The following TTC27 variants were observed in gnomAD, a reference collection of about 807,000 sequenced individuals.
TTC27 encodes the protein tetratricopeptide repeat domain 27, also known as tetratricopeptide repeat protein 27.
A neutral mutation model predicts 115.9 loss-of-function variants in TTC27; 79 were observed. That is an observed-to-expected ratio of 0.68 (90% confidence interval 0.57 to 0.82). The LOEUF is 0.82. Among genes scored for constraint, TTC27 ranks in the 40% least tolerant of loss-of-function variants. TTC27 has a pLI of 0.00. For missense variants in TTC27, 1,054 were observed against 993.1 expected, an observed-to-expected ratio of 1.06 and a Z score of -0.82; for synonymous variants, 401 against 356.0, an observed-to-expected ratio of 1.13 and a Z score of -1.42.
At chr2:32,768,038 A>G (rs1362054969) in intron 13 of TTC27, among the ~76,000 whole-genome samples, 2 of 152,244 alleles carry the variant, frequency 1.3e-5, no homozygotes, top group Non-Finnish European at 2.9e-5. Context: ...ATTCATTAGT[A>G]AAATATCAAT....
intron 17 of TTC27, 85 bp downstream of exon 17, chr2:32,811,306 T>C (rs1671309512): frequency 8.0e-7 from 1 of 1,257,100 alleles, no homozygotes; most frequent in Non-Finnish European, 1.1e-6. Context: ...GGAGGAAGAG[T>C]TTAACAATCT....
At chr2:32,647,782 G>A (rs1664922132) in intron 4 of TTC27, among the ~76,000 whole-genome samples, 1 of 152,096 alleles carries the variant, frequency 6.6e-6, no homozygotes, top group African/African-American at 2.4e-5. Flanking sequence ...AAGCTGCAGT[G>A]TGCTATGATG....
At chr2:32,771,679 A>G (rs1306237345) in intron 13 of TTC27, among the ~76,000 whole-genome samples, 1 of 152,200 alleles carries the variant, frequency 6.6e-6, no homozygotes, top group Non-Finnish European at 1.5e-5. Context: ...AGAATTTAGT[A>G]AATGAGAAAC....
Position 32,758,497 on chromosome 2 carries a change from C to G in TTC27, c.1658C>G (p.Ser553Trp), listed in dbSNP as rs762752840. The G allele has an allele frequency of 3.1e-6, 5 of 1,614,140 alleles. No individual in the cohort carries two copies. In the East Asian group the frequency reaches 1.1e-4, roughly 36 times the overall value. ...GAGTGTGTAGAGTGCTTCGAACGCTCGGTTAAGATTAATCCCATGCAGGTT... is the reference window on the plus strand; with the variant it reads ...GAGTGTGTAGAGTGCTTCGAACGCTGGGTTAAGATTAATCCCATGCAGGTT... ...FQECVECFER[S>W]VKINPMQLGV... The change falls in exon 13 of 20, where the codon TCG becomes TGG. Residue 553 changes from serine to tryptophan, a missense_variant. By Grantham distance (177) the Ser-to-Trp change is radical. Transcript: ENST00000317907.
intron 11 of TTC27, among the ~76,000 whole-genome samples, chr2:32,734,383 T>G (rs1451023655): frequency 6.6e-6 from 1 of 152,174 alleles, no homozygotes; most frequent in Non-Finnish European, 1.5e-5. Context: ...TTTGAAATAA[T>G]TTCTTATATT....
chr2:32,681,304 A>G (rs1446898631), intron 9 of TTC27, among the ~76,000 whole-genome samples: 1 of 152,116 alleles, frequency 6.6e-6, no homozygotes, highest in African/African-American at 2.4e-5. Context: ...CATTTTTTTA[A>G]TCTCAAATGA....
intron 9 of TTC27, among the ~76,000 whole-genome samples, chr2:32,684,019 G>A (rs1180207708): frequency 3.3e-5 from 5 of 151,994 alleles, no homozygotes; most frequent in African/African-American, 7.2e-5. Context: ...TTAGCTGGGC[G>A]TGGTGGTGCT....
intron 16 of TTC27, among the ~76,000 whole-genome samples, chr2:32,792,761 G>A (rs935237514): frequency 2.0e-5 from 3 of 152,252 alleles, no homozygotes; most frequent in African/African-American, 7.2e-5. Context: ...GATTCAAAGG[G>A]CCAGTGCCTT....
rs200028307 is a variant in TTC27 at position 32,694,674 on chromosome 2, CT to C, written c.1120-8116del. On this transcript the variant is annotated intron_variant, in intron 9 of 19. Coordinates refer to ENST00000317907, the MANE Select transcript of TTC27 (RefSeq NM_017735.5). ...AAATTTGAATGTAAGATTCCTATTT[CT>C]TTTTTTTTTTTTTTTTCCACAAGGT... is the stretch of plus-strand genomic sequence containing the variant. 4.2e-3 allele frequency among the ~76,000 whole-genome samples: 569 copies of C among 135,492 alleles called. 3 individuals carry two copies. Among genetic ancestry groups the C allele is most frequent in the African/African-American group, 8.6e-3 (315 of 36,480 alleles). 88.9% of individuals were successfully genotyped at this position (135,492 alleles called of 152,430 possible). A position where few individuals can be genotyped will look rare whatever the true frequency, so the allele number is the denominator to read the frequency against.
intron 4 of TTC27, among the ~76,000 whole-genome samples, chr2:32,645,655 C>T (rs192131742): frequency 3.9e-5 from 6 of 152,154 alleles, no homozygotes; most frequent in South Asian, 4.1e-4. Context: ...CCCATTAACT[C>T]GTCATTTAGC....
Position 32,778,986 on chromosome 2 carries a change from G to A in TTC27, c.1779+1006G>A, listed in dbSNP as rs527437965. On this transcript the variant is annotated intron_variant, in intron 14 of 19. Transcript: ENST00000317907. ...CGCCTGTAATCCCAACACTTTGGGA[G>A]GCCAAGGCCGGTGGATCACTTGTGG... is the stretch of plus-strand genomic sequence containing the variant. Among the ~76,000 whole-genome samples the A allele has an allele frequency of 3.9e-5, 6 of 152,328 alleles. No homozygotes were observed. The East Asian group carries it at 1.2e-3, about 29-fold the overall frequency.
rs566206874 is a variant in TTC27, at chr2:32,787,215, A to G, written c.1998+66A>G. ...ACTAATCCTTGATCATATGGTATAA[A>G]TTATTTCCTTGAATATGCACAGGAA... On this transcript the variant is annotated intron_variant, in intron 16 of 19. Transcript: ENST00000317907. 143 of 1,516,572 alleles carry G rather than the reference A, an allele frequency of 9.4e-5. 1 individual carries two copies. In the South Asian group the frequency reaches 1.2e-3, roughly 13 times the overall value. 93.9% of individuals were successfully genotyped at this position (1,516,572 alleles called of 1,614,324 possible). A position where few individuals can be genotyped will look rare whatever the true frequency, so the allele number is the denominator to read the frequency against.
In TTC27 at chr2:32,786,980, A is replaced by G. The variant is rs199814251; in HGVS notation, c.1833-4A>G. 3.1e-6 allele frequency: 5 copies of G among 1,603,822 alleles called. No individual in the cohort carries two copies. The highest frequency in any genetic ancestry group is 2.7e-5 in the African/African-American group (2 of 74,174). On this transcript the variant is annotated splice_region_variant and splice_polypyrimidine_tract_variant and intron_variant, in intron 15 of 19. Transcript: ENST00000317907. ...TGCTCTCTTTAAAATTTGACCTTCA[A>G]TAGAGTAAAAGCTTTTAGAACTTTA...
intron 10 of TTC27, among the ~76,000 whole-genome samples, chr2:32,731,618 A>G (rs1668295047): frequency 1.3e-5 from 2 of 152,130 alleles, no homozygotes; most frequent in Non-Finnish European, 2.9e-5. Flanking sequence ...GGCTCAAGTG[A>G]TCTTCCTACT....
chr2:32,744,077 A>G (rs887038004), intron 12 of TTC27, among the ~76,000 whole-genome samples: 1 of 152,234 alleles, frequency 6.6e-6, no homozygotes, highest in Non-Finnish European at 1.5e-5. Context: ...ACACAGTTAT[A>G]GTCCGATATG....
chr2:32,736,453 AT>A (rs2151916502), intron 11 of TTC27, among the ~76,000 whole-genome samples: 1 of 152,310 alleles, frequency 6.6e-6, no homozygotes, highest in South Asian at 2.1e-4. Context: ...ATTTGTATAT[AT>A]TTAGCATTTT....
At chr2:32,638,733 A>G (rs6759173) in intron 3 of TTC27, among the ~76,000 whole-genome samples, 3,171 of 152,230 alleles carry the variant, frequency 0.021, 104 homozygotes, top group African/African-American at 0.074. Flanking sequence ...TCAGTATTCA[A>G]ATATTTAGTA....
At chr2:32,703,069 A>T (rs112892573) in intron 10 of TTC27, 149 bp downstream of exon 10, 9 of 641,496 alleles carry the variant, frequency 1.4e-5, no homozygotes, top group African/African-American at 1.3e-4. Flanking sequence ...CTATAATTTA[A>T]CTTCTTGGTT....
chr2:32,744,591 A>G (rs79706149), intron 12 of TTC27, among the ~76,000 whole-genome samples: 2,899 of 152,282 alleles, frequency 0.019, 58 homozygotes, highest in Middle Eastern at 0.041. Context: ...TTCTAATGGA[A>G]GGAGTTGAGG....
Sources: gnomAD v4.1 joint callset for allele counts (sites outside exome capture counted in the v4.1 genomes callset) on GRCh38, gnomAD v4.1.1 for gene constraint, MANE v1.5 for transcripts, NCBI Gene and HGNC (gene_info 2026-07-23, HGNC 2026-07-21) for gene names.